The following NUP210L variants were observed in gnomAD, a reference collection of about 807,000 sequenced individuals.
NUP210L encodes the protein nucleoporin 210 like.
NUP210L carries 74 observed loss-of-function variants against 208.5 expected under a neutral mutation model. The observed-to-expected ratio is 0.35, with a 90% CI of 0.29 to 0.43. The LOEUF is 0.43. Ranked by LOEUF, NUP210L falls within the 20% of genes least tolerant of loss-of-function variation. NUP210L has a pLI of 1.00. For missense variants in NUP210L, 1,843 were observed against 2,289.4 expected, an observed-to-expected ratio of 0.81 and a Z score of 3.98; for synonymous variants, 780 against 816.9, an observed-to-expected ratio of 0.95 and a Z score of 0.77.
At chr1:154,051,360 C>T (rs1653489000) in intron 25 of NUP210L, among the ~76,000 whole-genome samples, 1 of 152,118 alleles carries the variant, frequency 6.6e-6, no homozygotes, top group Non-Finnish European at 1.5e-5. Flanking sequence ...CAGGCACCCG[C>T]TACCACACCC....
intron 16 of NUP210L, among the ~76,000 whole-genome samples, chr1:154,078,080 G>A (rs756856870): frequency 1.8e-4 from 27 of 151,760 alleles, no homozygotes; most frequent in Non-Finnish European, 3.4e-4. Flanking sequence ...CGAGGTGGGC[G>A]GATCGCTTGA....
intron 16 of NUP210L, among the ~76,000 whole-genome samples, chr1:154,078,105 G>C (rs1655135405): frequency 6.6e-6 from 1 of 151,040 alleles, no homozygotes; most frequent in South Asian, 2.1e-4. Flanking sequence ...AGGAGTTCAA[G>C]ACCAGCCTGG....
intron 11 of NUP210L, among the ~76,000 whole-genome samples, chr1:154,118,363 C>T (rs1298776547): frequency 6.6e-6 from 1 of 151,808 alleles, no homozygotes; most frequent in Non-Finnish European, 1.5e-5. Flanking sequence ...TAGTAAAGTA[C>T]CTTAACAGGC....
intron 33 of NUP210L, 29 bp from the exon 34 acceptor site, chr1:154,012,399 C>A: frequency 6.2e-7 from 1 of 1,603,776 alleles, no homozygotes; most frequent in Non-Finnish European, 8.5e-7. Flanking sequence ...AAAATCTGCA[C>A]CTAAGTTCCT....
At chr1:153,995,468 G>A (rs991076856) in intron 37 of NUP210L, among the ~76,000 whole-genome samples, 20 of 152,112 alleles carry the variant, frequency 1.3e-4, no homozygotes, top group African/African-American at 4.6e-4. Flanking sequence ...GCTCAACCGC[G>A]TCTTTTTGAC....
At chr1:154,104,326 C>A in intron 12 of NUP210L, 116 bp from the exon 13 acceptor site, 1 of 754,064 alleles carries the variant, frequency 1.3e-6, no homozygotes, top group Non-Finnish European at 2.3e-6. Context: ...GCAGGAACAC[C>A]AAATTGAATG....
At chr1:154,070,550 G>T in intron 16 of NUP210L, 85 bp from the exon 17 acceptor site, 4 of 906,618 alleles carry the variant, frequency 4.4e-6, no homozygotes, top group South Asian at 2.7e-5. Flanking sequence ...GCTAGGAATC[G>T]AGTTTTCTCT....
At chr1:154,068,815 G>A (rs1480288286) in intron 17 of NUP210L, among the ~76,000 whole-genome samples, 1 of 151,950 alleles carries the variant, frequency 6.6e-6, no homozygotes, top group Non-Finnish European at 1.5e-5. Context: ...TCACACTCTG[G>A]GGACTGTTGT....
At chr1:154,020,914 G>A (rs975055854) in intron 32 of NUP210L, among the ~76,000 whole-genome samples, 4 of 151,528 alleles carry the variant, frequency 2.6e-5, no homozygotes, top group Admixed American at 2.0e-4. Flanking sequence ...TGCCTGCCTC[G>A]GCCTCCCAAA....
At chr1:154,115,277 T>C (rs1016158964) in intron 12 of NUP210L, among the ~76,000 whole-genome samples, 11 of 152,218 alleles carry the variant, frequency 7.2e-5, no homozygotes, top group African/African-American at 2.7e-4. Context: ...ACAGCAAGGA[T>C]TGGCAAAGCT....
intron 27 of NUP210L, among the ~76,000 whole-genome samples, chr1:154,037,109 T>A (rs999743747): frequency 6.6e-6 from 1 of 152,210 alleles, no homozygotes; most frequent in Non-Finnish European, 1.5e-5. Context: ...CCTGTCATAT[T>A]GTCTATTCTT....
In NUP210L at chr1:154,057,689, AAT is replaced by A. The variant is rs1491315757; in HGVS notation, c.3107+398_3107+399del. ...CCAAACAAGGCATCTGAGGACCTCG[AAT>A]GTGTGTGTGTGTGTGTGTGTGTGTG... On this transcript the variant is annotated intron_variant, in intron 22 of 39. Transcript: ENST00000368559. 1.6e-4 allele frequency among the ~76,000 whole-genome samples: 11 copies of A among 70,454 alleles called. No homozygotes were observed. The South Asian group carries it at 6.7e-3, about 43-fold the overall frequency. The allele number at this position is 70,454 out of a possible 152,430, so 46.2% of individuals were successfully genotyped here.
intron 1 of NUP210L, among the ~76,000 whole-genome samples, chr1:154,153,202 T>C (rs1659489910): frequency 6.6e-6 from 1 of 152,190 alleles, no homozygotes; most frequent in Admixed American, 6.5e-5. Flanking sequence ...GAAAGTTTCC[T>C]TCAATCCTAG....
rs763936169 is a variant in NUP210L, at chr1:154,126,312, T to G, written c.1326+11A>C. The G allele has an allele frequency of 3.0e-5, 48 of 1,606,874 alleles. No individual in the cohort carries two copies. Among genetic ancestry groups the G allele is most frequent in the Non-Finnish European group, 4.0e-5 (47 of 1,177,480 alleles). ...TTCTTAGAATACAAACACTGTCTGT[T>G]TAATTCCTACCTGGTAAATGATGGA... On this transcript the variant is annotated intron_variant, in intron 10 of 39. Coordinates refer to ENST00000368559, the Ensembl canonical transcript of NUP210L.
At chr1:154,066,419 G>A (rs923103299) in intron 17 of NUP210L, among the ~76,000 whole-genome samples, 1 of 152,158 alleles carries the variant, frequency 6.6e-6, no homozygotes, top group African/African-American at 2.4e-5. Context: ...AGAACATCCT[G>A]GCTAACACGG....
rs183686022 is a variant in NUP210L, at chr1:154,021,086, C to T, written c.4516+1040G>A. ...CCTCCCGAGTATCTGGGACTACAGGCGTGTGCCACCATGCACAGCTAATTT... is the reference window on the plus strand; with the variant it reads ...CCTCCCGAGTATCTGGGACTACAGGTGTGTGCCACCATGCACAGCTAATTT... On this transcript the variant is annotated intron_variant, in intron 32 of 39. Transcript: ENST00000368559. Among the ~76,000 whole-genome samples the T allele has an allele frequency of 6.9e-3, 1,049 of 151,494 alleles. 15 individuals carry two copies. Among genetic ancestry groups the T allele is most frequent in the African/African-American group, 0.024 (1,006 of 41,322 alleles).
chr1:154,047,764 C>T (rs568844628), intron 25 of NUP210L, among the ~76,000 whole-genome samples: 1 of 152,214 alleles, frequency 6.6e-6, no homozygotes, highest in African/African-American at 2.4e-5. Flanking sequence ...CCCTGATTTC[C>T]CACTCCACAC....
chr1:154,153,816 G>A (rs1191792373), intron 1 of NUP210L, among the ~76,000 whole-genome samples: 4 of 152,090 alleles, frequency 2.6e-5, no homozygotes, highest in South Asian at 4.2e-4. Flanking sequence ...TCACCCTCAC[G>A]GTCAGGAAAC....
Position 154,022,360 on chromosome 1 carries a change from A to C in NUP210L, c.4299-17T>G. ...AAGTCATCTCTGCAAGTAGACATTA[A>C]AGGTAGAAATCTTTAAAAAGAGACA... On this transcript the variant is annotated splice_polypyrimidine_tract_variant and intron_variant, in intron 31 of 39. Transcript: ENST00000368559. The C allele has an allele frequency of 1.3e-6, 2 of 1,599,250 alleles. No individual in the cohort carries two copies. Among genetic ancestry groups the C allele is most frequent in the South Asian group, 2.2e-5 (2 of 90,758 alleles).
Sources: allele counts gnomAD v4.1 joint callset (sites outside exome capture counted in the v4.1 genomes callset), GRCh38; gene constraint gnomAD v4.1.1; transcripts MANE v1.5; gene names NCBI Gene and HGNC (gene_info 2026-07-23, HGNC 2026-07-21).